Variants in ESRRG observed in about 807,000 individuals in gnomAD.
ESRRG encodes estrogen related receptor gamma.
Under a neutral mutation model 44.0 loss-of-function variants are expected in ESRRG, and 13 were observed. The observed-to-expected ratio is 0.30, with a 90% CI of 0.19 to 0.47. ESRRG has a LOEUF of 0.47. ESRRG is among the 20% of genes least tolerant of loss of function. The pLI is 1.00. For missense variants in ESRRG, 395 were observed against 580.6 expected (o/e 0.68, Z 3.29); for synonymous variants, 215 against 214.6 (o/e 1.00, Z -0.02).
Position 216,519,216 on chromosome 1 carries a change from G to A in ESRRG, c.1068C>T (p.Tyr356=), listed in dbSNP as rs1242911390. ...NNAILQLVKK[Y]KSMKLEKEEF... Reference sequence around the variant, plus strand: ...CTTCTTTTTCCAGCTTCATGCTCTTGTATTTCTTTACCAGCTGCAGGATAG... The same window carrying A: ...CTTCTTTTTCCAGCTTCATGCTCTTATATTTCTTTACCAGCTGCAGGATAG... Residue 356 remains tyrosine (Y), a synonymous_variant, in exon 6 of 7, where the codon TAC becomes TAT. Transcript: ENST00000408911. The A allele has an allele frequency of 6.2e-7, 1 of 1,613,638 alleles. No individual in the cohort carries two copies. The highest frequency in any genetic ancestry group is 1.7e-5 in the Admixed American group (1 of 59,956).
chr1:216,564,179 T>C (rs2059278078), intron 5 of ESRRG, 40 bp downstream of exon 5: 2 of 1,367,766 alleles, frequency 1.5e-6, no homozygotes, highest in Non-Finnish European at 2.0e-6. Flanking sequence ...AGGGAATTAA[T>C]TGCAACCTTT....
chr1:216,786,040 G>A (rs537059200), intron 2 of ESRRG, among the ~76,000 whole-genome samples: 24 of 152,178 alleles, frequency 1.6e-4, no homozygotes, highest in South Asian at 2.1e-4. Context: ...ATGTCTATCC[G>A]CTGCTCCCTA....
At chr1:217,114,898 C>T (rs1363352493) in intron 1 of ESRRG, among the ~76,000 whole-genome samples, 1 of 152,028 alleles carries the variant, frequency 6.6e-6, no homozygotes, top group African/African-American at 2.4e-5. Flanking sequence ...CTCCTGACCT[C>T]GTGATCCACC....
At chr1:216,632,522 G>A (rs1317001870) in intron 3 of ESRRG, among the ~76,000 whole-genome samples, 1 of 152,150 alleles carries the variant, frequency 6.6e-6, no homozygotes, top group Non-Finnish European at 1.5e-5. Context: ...GACATGACTA[G>A]AATGTTTTCT....
chr1:217,000,876 T>C (rs1579299938), intron 1 of ESRRG, among the ~76,000 whole-genome samples: 3 of 152,210 alleles, frequency 2.0e-5, no homozygotes, highest in Admixed American at 6.5e-5. Context: ...ATCCACACTA[T>C]GCACATGTTA....
intron 3 of ESRRG, among the ~76,000 whole-genome samples, chr1:216,587,972 T>C (rs1482152776): frequency 6.6e-6 from 1 of 152,232 alleles, no homozygotes; most frequent in Non-Finnish European, 1.5e-5. Context: ...CCATGTGCTC[T>C]GAACAGAGTA....
At position 216,734,750 on chromosome 1, in the gene ESRRG, T is replaced by C. The variant is rs191019381; in HGVS notation, c.-13-57259A>G. 5.2e-3 allele frequency among the ~76,000 whole-genome samples: 786 copies of C among 152,306 alleles called. 5 individuals are homozygous for C. Among genetic ancestry groups the C allele is most frequent in the Non-Finnish European group, 7.1e-3 (486 of 68,014 alleles). Reference sequence around the variant, plus strand: ...TTTTAAAAATGAGTTTCAATGTTTCTTTGAAGAAATTTTGTCAGTATTTTA... The same window carrying C: ...TTTTAAAAATGAGTTTCAATGTTTCCTTGAAGAAATTTTGTCAGTATTTTA... On this transcript the variant is annotated intron_variant, in intron 2 of 7. Transcript: ENST00000359162.
intron 1 of ESRRG, among the ~76,000 whole-genome samples, chr1:217,020,879 A>C (rs896443959): frequency 1.3e-5 from 2 of 152,190 alleles, no homozygotes; most frequent in East Asian, 3.8e-4. Flanking sequence ...ATCCTGACGC[A>C]TGACATGACT....
chr1:216,707,625 C>T, intron 1 of ESRRG: 2 of 848,502 alleles, frequency 2.4e-6, no homozygotes, highest in Admixed American at 3.2e-5. Context: ...TATGAAAAAT[C>T]CCATTTTTAA....
chr1:216,812,257 A>G (rs1364352792), intron 2 of ESRRG, among the ~76,000 whole-genome samples: 1 of 152,214 alleles, frequency 6.6e-6, no homozygotes, highest in Non-Finnish European at 1.5e-5. Context: ...TGTTTTTAAC[A>G]TATTTCTTTA....
intron 2 of ESRRG, among the ~76,000 whole-genome samples, chr1:216,818,667 G>A (rs1279180528): frequency 1.3e-5 from 2 of 151,580 alleles, no homozygotes; most frequent in East Asian, 3.9e-4. Context: ...TTGTTATATA[G>A]ACAAATGTGT....
At chr1:216,830,581 G>A (rs917959508) in intron 2 of ESRRG, among the ~76,000 whole-genome samples, 4 of 151,972 alleles carry the variant, frequency 2.6e-5, no homozygotes, top group East Asian at 3.9e-4. Flanking sequence ...CAGGGCTCTC[G>A]GAAGCCTCAG....
At chr1:216,583,346 G>A (rs927300857) in intron 3 of ESRRG, among the ~76,000 whole-genome samples, 5 of 152,172 alleles carry the variant, frequency 3.3e-5, no homozygotes, top group African/African-American at 9.7e-5. Context: ...TCCTGTCAAT[G>A]CCAAATCACT....
chr1:216,859,731 A>G (rs980890545), intron 2 of ESRRG, among the ~76,000 whole-genome samples: 7 of 152,314 alleles, frequency 4.6e-5, no homozygotes, highest in South Asian at 2.1e-4. Flanking sequence ...CTACCTAACA[A>G]ATATTAAAAG....
intron 2 of ESRRG, among the ~76,000 whole-genome samples, chr1:216,918,108 G>A (rs758142295): frequency 2.7e-4 from 41 of 152,212 alleles, no homozygotes; most frequent in Non-Finnish European, 4.9e-4. Flanking sequence ...AATGATGCTA[G>A]AACATGTTTT....
intron 3 of ESRRG, among the ~76,000 whole-genome samples, chr1:216,650,615 A>AT (rs1231877846): frequency 6.6e-6 from 1 of 152,126 alleles, no homozygotes; most frequent in African/African-American, 2.4e-5. Context: ...AAAAAAAAAA[A>AT]ATCTCTCTGC....
chr1:216,896,386 A>T lies in ESRRG; in HGVS notation c.-14+43196T>A, dbSNP rs553998583. On this transcript the variant is annotated intron_variant, in intron 2 of 7. Transcript: ENST00000359162. ...AAATGCAAACCTGGGAAACAACAGCACTCAGGTAATCCCCTTTATAGGCTG... is the reference window on the plus strand; with the variant it reads ...AAATGCAAACCTGGGAAACAACAGCTCTCAGGTAATCCCCTTTATAGGCTG... Among the ~76,000 whole-genome samples the T allele has an allele frequency of 2.8e-3, 431 of 152,300 alleles. 2 individuals carry two copies. Among genetic ancestry groups the T allele is most frequent in the Non-Finnish European group, 4.3e-3 (295 of 68,022 alleles).
intron 5 of ESRRG, among the ~76,000 whole-genome samples, chr1:216,554,824 A>T (rs2057187114): frequency 6.6e-6 from 1 of 152,028 alleles, no homozygotes; most frequent in Admixed American, 6.6e-5. Flanking sequence ...AATAAGGAAA[A>T]TTCATCATCA....
chr1:217,107,083 G>A (rs1455370423), intron 1 of ESRRG, among the ~76,000 whole-genome samples: 1 of 152,100 alleles, frequency 6.6e-6, no homozygotes, highest in Admixed American at 6.6e-5. Flanking sequence ...AGATATTACA[G>A]CAGAACTAAA....
Sources: gnomAD v4.1 joint callset for allele counts (sites outside exome capture counted in the v4.1 genomes callset) on GRCh38, gnomAD v4.1.1 for gene constraint, MANE v1.5 for transcripts, NCBI Gene and HGNC (gene_info 2026-07-23, HGNC 2026-07-21) for gene names.